The following BST1 variants were observed in gnomAD, a reference collection of about 807,000 sequenced individuals.
The protein encoded by BST1 is ADP-ribosyl cyclase/cyclic ADP-ribose hydrolase 2.
In BST1, 49 loss-of-function variants were observed where a neutral mutation model predicts 40.6. That is an observed-to-expected ratio of 1.21 (90% CI 0.96 to 1.53). The LOEUF is 1.53. BST1 is among the 40% of genes most tolerant of loss of function. BST1 has a pLI of 0.00. For synonymous variants in BST1, 157 were observed against 159.3 expected, an observed-to-expected ratio of 0.99 and a Z score of 0.11; for missense variants, 423 against 395.9, an observed-to-expected ratio of 1.07 and a Z score of -0.58.
downstream of BST1, among the ~76,000 whole-genome samples, chr4:15,737,511 C>G (rs771010073): frequency 2.0e-5 from 3 of 152,186 alleles, no homozygotes; most frequent in Non-Finnish European, 1.5e-5. Flanking sequence ...AGAAAACCAG[C>G]CTCGTGTGTC....
chr4:15,735,295 A>G (rs1057507654), downstream of BST1, among the ~76,000 whole-genome samples: 5 of 152,174 alleles, frequency 3.3e-5, no homozygotes, highest in African/African-American at 1.2e-4. Context: ...GTCCTTGCCT[A>G]ACTTCACCCT....
At chr4:15,767,042 T>C in the BST1 span, among the ~76,000 whole-genome samples, 2 of 151,656 alleles carry the variant, frequency 1.3e-5, no homozygotes, top group Non-Finnish European at 2.9e-5. Flanking sequence ...ATGAACCACA[T>C]AGTAGATCTG....
At chr4:15,713,962 C>A (rs1193302010) in intron 4 of BST1, among the ~76,000 whole-genome samples, 2 of 152,144 alleles carry the variant, frequency 1.3e-5, no homozygotes, top group African/African-American at 4.8e-5. Flanking sequence ...CCTCAGTCTC[C>A]CAAATGGCTG....
At chr4:15,707,435 G>C (rs1335717709) in intron 2 of BST1, 76 bp from the exon 3 acceptor site, 1 of 1,587,574 alleles carries the variant, frequency 6.3e-7, no homozygotes, top group South Asian at 1.1e-5. Context: ...TGCCCAACTT[G>C]CCTTGATGAT....
At chr4:15,764,176 T>G in the BST1 span, among the ~76,000 whole-genome samples, 1 of 152,024 alleles carries the variant, frequency 6.6e-6, no homozygotes, top group Non-Finnish European at 1.5e-5. Flanking sequence ...GAGAACATTC[T>G]GTATTTTCTG....
At chr4:15,711,230 G>T (rs1720184283) in intron 3 of BST1, among the ~76,000 whole-genome samples, 1 of 152,072 alleles carries the variant, frequency 6.6e-6, no homozygotes, top group African/African-American at 2.4e-5. Context: ...TAGAGTATAT[G>T]GTAAGTACAT....
At chr4:15,706,400 T>C (rs1422885063) in intron 2 of BST1, among the ~76,000 whole-genome samples, 1 of 152,200 alleles carries the variant, frequency 6.6e-6, no homozygotes, top group African/African-American at 2.4e-5. Context: ...AATCTCAGTA[T>C]CCTCCCGGGA....
At chr4:15,722,451 A>C (rs1720856007) in intron 7 of BST1, among the ~76,000 whole-genome samples, 2 of 152,192 alleles carry the variant, frequency 1.3e-5, no homozygotes, top group Admixed American at 1.3e-4. Context: ...TTCTAGATAC[A>C]AGGCCTCACT....
chr4:15,725,971 T>TC (rs1291638609), intron 8 of BST1, among the ~76,000 whole-genome samples: 1 of 125,782 alleles, frequency 8.0e-6, no homozygotes, highest in Non-Finnish European at 1.6e-5. Flanking sequence ...TTTTTTTTTT[T>TC]TGAGACGAGG....
intron 8 of BST1, among the ~76,000 whole-genome samples, chr4:15,729,766 A>G (rs1721286126): frequency 6.6e-6 from 1 of 152,226 alleles, no homozygotes; most frequent in Admixed American, 6.5e-5. Context: ...CAATGCACAG[A>G]ACATGAACCG....
At chr4:15,731,622 G>A in intron 8 of BST1, 118 bp from the exon 9 acceptor site, 1 of 1,368,084 alleles carries the variant, frequency 7.3e-7, no homozygotes, top group Non-Finnish European at 1.0e-6. Flanking sequence ...AGACTTTGCT[G>A]CTCATGGCTT....
At position 15,703,295 on chromosome 4, in the gene BST1, T is replaced by A; in HGVS notation, c.151T>A (p.Cys51Ser). The change falls in exon 1 of 9, where the codon TGC becomes AGC. Residue 51 changes from cysteine (C) to serine (S), a missense_variant. Cys to Ser is a moderately radical substitution (Grantham distance 112). Coordinates refer to ENST00000265016, the MANE Select transcript of BST1 (RefSeq NM_004334.3). ...CTTGCGGGACATCTTCCTGGGCCGC[T>A]GCGCCGAGTACCGCGCACTGCTGAG... ...AHLRDIFLGR[C>S]AEYRALLSPE... 6.5e-7 allele frequency: 1 copy of A among 1,530,718 alleles called. No homozygotes were observed. 94.8% of individuals were successfully genotyped at this position (1,530,718 alleles called of 1,614,324 possible).
At chr4:15,708,194 C>T (rs924335614) in intron 3 of BST1, among the ~76,000 whole-genome samples, 29 of 152,058 alleles carry the variant, frequency 1.9e-4, no homozygotes, top group African/African-American at 6.3e-4. Flanking sequence ...CAGTCCTGTC[C>T]TGATGGATTC....
chr4:15,736,345 C>T (rs537952277), downstream of BST1, among the ~76,000 whole-genome samples: 13 of 152,240 alleles, frequency 8.5e-5, no homozygotes, highest in South Asian at 2.1e-4. Context: ...AGAAGCCGGG[C>T]GCAGTGGCTC....
intron 3 of BST1, among the ~76,000 whole-genome samples, chr4:15,711,072 G>C (rs181729590): frequency 9.2e-5 from 14 of 152,318 alleles, no homozygotes; most frequent in African/African-American, 3.4e-4. Context: ...TTACAGGCGT[G>C]AGCCACTGTG....
chr4:15,714,203 A>G lies in BST1; in HGVS notation c.535-1082A>G, dbSNP rs541132763. On this transcript the variant is annotated intron_variant, in intron 4 of 8. Coordinates refer to ENST00000265016, the MANE Select transcript of BST1 (RefSeq NM_004334.3). ...TGTTAGCACTATTTGGAAGCAATCT[A>G]TGACATGGAGTGTATTGTTTGGTAT... is the stretch of plus-strand genomic sequence containing the variant. Among the ~76,000 whole-genome samples, 283 of 152,328 alleles carry G rather than the reference A, an allele frequency of 1.9e-3. 1 individual carries two copies. The highest frequency in any genetic ancestry group is 6.6e-3 in the African/African-American group (276 of 41,560).
downstream of BST1, chr4:15,743,279 G>A: frequency 3.6e-6 from 1 of 277,000 alleles, no homozygotes; most frequent in Middle Eastern, 7.0e-4. Context: ...AGAAGGTGAA[G>A]CTTACAGACA....
chr4:15,705,936 T>C (rs948290067), intron 2 of BST1, among the ~76,000 whole-genome samples: 7 of 152,222 alleles, frequency 4.6e-5, no homozygotes, highest in East Asian at 1.9e-4. Flanking sequence ...CATCTACTTC[T>C]GGGAGGCCTC....
the BST1 span, among the ~76,000 whole-genome samples, chr4:15,765,091 A>G: frequency 6.6e-6 from 1 of 151,898 alleles, no homozygotes. Context: ...TGGGGATTGA[A>G]CAAGTTAACC....
Sources: gnomAD v4.1 joint callset for allele counts (sites outside exome capture counted in the v4.1 genomes callset) on GRCh38, gnomAD v4.1.1 for gene constraint, MANE v1.5 for transcripts, NCBI Gene and HGNC (gene_info 2026-07-23, HGNC 2026-07-21) for gene names.